TENM1: variants seen among roughly 807,000 people sequenced by gnomAD.
TENM1 encodes the protein teneurin transmembrane protein 1.
A neutral mutation model predicts 174.8 loss-of-function variants in TENM1; 35 were observed. That is an observed-to-expected ratio of 0.20 (90% CI 0.15 to 0.27). The LOEUF (loss-of-function observed/expected upper bound fraction) is 0.27. Among genes scored for constraint, TENM1 ranks in the 10% least tolerant of loss-of-function variants. TENM1 has a pLI of 1.00. For missense variants in TENM1, 1,633 were observed against 2,130.1 expected, an observed-to-expected ratio of 0.77 and a Z score of 4.59; for synonymous variants, 781 against 798.7, an observed-to-expected ratio of 0.98 and a Z score of 0.37.
intron 3 of TENM1, among the ~76,000 whole-genome samples, chrX:124,881,675 C>T (rs1401273356): frequency 9.2e-6 from 1 of 108,905 alleles, no homozygotes; most frequent in African/African-American, 3.3e-5. Flanking sequence ...TCCTTCTTAA[C>T]ACTGCTTTTG....
At chrX:124,929,006 G>C (rs2058131228) in intron 1 of TENM1, among the ~76,000 whole-genome samples, 1 of 112,037 alleles carries the variant, frequency 8.9e-6, no homozygotes, top group Non-Finnish European at 1.9e-5. Flanking sequence ...GTCTCCTGTT[G>C]TACTATATAA....
chrX:124,505,429 C>T (rs372849984), intron 18 of TENM1, among the ~76,000 whole-genome samples: 28 of 111,738 alleles, frequency 2.5e-4, no homozygotes, highest in East Asian at 2.3e-3. Context: ...TAATCTAGTT[C>T]GTTACACTTA....
intron 11 of TENM1, among the ~76,000 whole-genome samples, chrX:124,591,056 C>T (rs1296077900): frequency 8.9e-6 from 1 of 111,751 alleles, no homozygotes; most frequent in African/African-American, 3.3e-5. Flanking sequence ...GTGACCCCTG[C>T]TCTTTTTTGT....
rs1461569369 is a variant in TENM1, at chrX:124,492,412, T to C, written c.3695+4604A>G. ...TTATTTCTCTCCAGGAAGTTTAAAT[T>C]TGGAAAATTTATAAAGCAAATATAT... On this transcript the variant is annotated intron_variant, in intron 20 of 31. Transcript: ENST00000422452. 3.6e-5 allele frequency among the ~76,000 whole-genome samples: 4 copies of C among 111,578 alleles called. No individual in the cohort carries two copies. The East Asian group carries it at 8.5e-4, about 24-fold the overall frequency.
intron 3 of TENM1, among the ~76,000 whole-genome samples, chrX:124,779,752 T>A (rs750079640): frequency 8.9e-6 from 1 of 112,032 alleles, no homozygotes; most frequent in African/African-American, 3.2e-5. Context: ...CAATTCCCAC[T>A]CTTTAAACAC....
chrX:124,906,463 T>C (rs1262639025), intron 1 of TENM1, among the ~76,000 whole-genome samples: 1 of 112,099 alleles, frequency 8.9e-6, no homozygotes, highest in African/African-American at 3.2e-5. Flanking sequence ...GTCTTGCTAT[T>C]AAGCTTTGTT....
At chrX:124,849,096 G>C (rs5958607) in intron 3 of TENM1, among the ~76,000 whole-genome samples, 6,638 of 110,711 alleles carry the variant, frequency 0.06, 454 homozygotes, top group African/African-American at 0.2. Context: ...ATAGATTCAG[G>C]AAAAAGAAAC....
At chrX:124,857,391 C>T (rs369029703) in intron 3 of TENM1, among the ~76,000 whole-genome samples, 6 of 111,569 alleles carry the variant, frequency 5.4e-5, no homozygotes, top group African/African-American at 1.3e-4. Context: ...GATATCTCCA[C>T]GCAATGAGCC....
At chrX:124,659,438 A>G (rs952890179) in intron 6 of TENM1, among the ~76,000 whole-genome samples, 6 of 112,307 alleles carry the variant, frequency 5.3e-5, no homozygotes, top group East Asian at 2.8e-4. Context: ...TGAGATTTGT[A>G]TACTGAGAAA....
the TENM1 span, among the ~76,000 whole-genome samples, chrX:125,165,948 G>A: frequency 9.0e-6 from 1 of 111,077 alleles, no homozygotes; most frequent in Non-Finnish European, 1.9e-5. Flanking sequence ...TATATATTGA[G>A]CTAAAGCATG....
At chrX:124,518,253 T>C (rs750590600) in intron 18 of TENM1, among the ~76,000 whole-genome samples, 3 of 110,266 alleles carry the variant, frequency 2.7e-5, no homozygotes, top group Admixed American at 9.6e-5. Flanking sequence ...GAGTTTGTTC[T>C]CTTTCTACAG....
chrX:125,175,734 T>G, the TENM1 span, among the ~76,000 whole-genome samples: 1 of 109,761 alleles, frequency 9.1e-6, no homozygotes, highest in Non-Finnish European at 1.9e-5. Context: ...GGAAAAGATG[T>G]GTAGAGAAAA....
intron 1 of TENM1, among the ~76,000 whole-genome samples, chrX:124,955,443 C>T (rs1179849110): frequency 9.0e-6 from 1 of 111,309 alleles, no homozygotes; most frequent in African/African-American, 3.3e-5. Context: ...ATATTAGTTA[C>T]ATCTTCCTGC....
chrX:125,156,538 T>C, the TENM1 span, among the ~76,000 whole-genome samples: 1 of 112,336 alleles, frequency 8.9e-6, no homozygotes, highest in African/African-American at 3.2e-5. Context: ...ATTAGTTTGC[T>C]TAGGATAATG....
chrX:125,056,176 A>G, the TENM1 span, among the ~76,000 whole-genome samples: 1 of 111,587 alleles, frequency 9.0e-6, no homozygotes, highest in African/African-American at 3.3e-5. Flanking sequence ...CTCTTCATCA[A>G]TATAAATTCT....
chrX:125,091,307 G>A, the TENM1 span, among the ~76,000 whole-genome samples: 8 of 111,740 alleles, frequency 7.2e-5, no homozygotes, highest in Admixed American at 6.6e-4. Flanking sequence ...TTTTCATGAT[G>A]AGATTTGGAG....
chrX:124,589,518 T>C (rs116693116), intron 11 of TENM1, among the ~76,000 whole-genome samples: 1,426 of 111,018 alleles, frequency 0.013, 23 homozygotes, highest in African/African-American at 0.044. Context: ...TGTACACTGG[T>C]AGAATTTGGC....
the TENM1 span, among the ~76,000 whole-genome samples, chrX:125,155,674 G>A: frequency 0.18 from 10 of 56 alleles, no homozygotes; most frequent in Non-Finnish European, 0.26. Context: ...CCGGTGGGCC[G>A]GCACTGTGGG....
chrX:124,915,952 C>T (rs913204670), intron 1 of TENM1, among the ~76,000 whole-genome samples: 1 of 112,348 alleles, frequency 8.9e-6, no homozygotes, highest in African/African-American at 3.2e-5. Context: ...GCTATCCCAA[C>T]TGCACATGTA....
Sources: gnomAD v4.1 joint callset for allele counts (sites outside exome capture counted in the v4.1 genomes callset) on GRCh38, gnomAD v4.1.1 for gene constraint, MANE v1.5 for transcripts, NCBI Gene and HGNC (gene_info 2026-07-23, HGNC 2026-07-21) for gene names.